The following AFG2A variants were observed in gnomAD, a reference collection of about 807,000 sequenced individuals.
AFG2A encodes the protein AAA ATPase AFG2A, also known as ATPase family gene 2 protein homolog A.
At chr4:122,931,309 CT>C in the AFG2A span, among the ~76,000 whole-genome samples, 2 of 152,162 alleles carry the variant, frequency 1.3e-5, no homozygotes, top group African/African-American at 4.8e-5. Context: ...AAATTTCCCC[CT>C]CATTGTATTT....
the AFG2A span, among the ~76,000 whole-genome samples, chr4:123,107,474 G>A: frequency 6.6e-6 from 1 of 152,214 alleles, no homozygotes; most frequent in Non-Finnish European, 1.5e-5. Context: ...GGGACAGAGT[G>A]CATGCTGATT....
the AFG2A span, among the ~76,000 whole-genome samples, chr4:123,004,345 A>T: frequency 1.3e-3 from 201 of 152,156 alleles, no homozygotes; most frequent in Non-Finnish European, 1.5e-3. Context: ...GGCACTCCCT[A>T]GTGAGATGAA....
the AFG2A span, among the ~76,000 whole-genome samples, chr4:123,201,327 A>G: frequency 2.0e-5 from 3 of 152,228 alleles, no homozygotes; most frequent in African/African-American, 7.2e-5. Flanking sequence ...GATGTTTAAC[A>G]ACAATCTACG....
the AFG2A span, among the ~76,000 whole-genome samples, chr4:123,165,787 A>C: frequency 6.6e-6 from 1 of 152,160 alleles, no homozygotes; most frequent in Non-Finnish European, 1.5e-5. Flanking sequence ...TTGACTATAA[A>C]GTGAATTTTT....
the AFG2A span, among the ~76,000 whole-genome samples, chr4:123,033,372 G>A: frequency 0.012 from 1,830 of 152,046 alleles, 40 homozygotes; most frequent in African/African-American, 0.041. Context: ...AATAGAACTA[G>A]TGTCCAATGG....
the AFG2A span, among the ~76,000 whole-genome samples, chr4:123,007,645 ACACACACAC>A: frequency 3.1e-5 from 1 of 32,304 alleles, no homozygotes; most frequent in Non-Finnish European, 8.1e-5. Flanking sequence ...CACACACAAC[ACACACACAC>A]ACACACACAC....
At chr4:123,165,960 A>G in the AFG2A span, among the ~76,000 whole-genome samples, 1 of 152,212 alleles carries the variant, frequency 6.6e-6, no homozygotes, top group African/African-American at 2.4e-5. Context: ...CCATTCACAT[A>G]GCATAAGAAT....
the AFG2A span, among the ~76,000 whole-genome samples, chr4:122,974,108 G>A: frequency 1.3e-4 from 20 of 151,944 alleles, no homozygotes; most frequent in African/African-American, 4.8e-4. Context: ...TCTGTAGTTT[G>A]TATTAGAAAT....
At chr4:123,010,314 C>T in the AFG2A span, among the ~76,000 whole-genome samples, 3 of 152,140 alleles carry the variant, frequency 2.0e-5, no homozygotes, top group African/African-American at 4.8e-5. Flanking sequence ...ACTTAGAGGA[C>T]CCTCAAGGCC....
At chr4:123,116,623 C>G in the AFG2A span, among the ~76,000 whole-genome samples, 1 of 152,144 alleles carries the variant, frequency 6.6e-6, no homozygotes, top group Non-Finnish European at 1.5e-5. Context: ...GGAGTTTTTC[C>G]AAATAGCTAC....
the AFG2A span, among the ~76,000 whole-genome samples, chr4:123,036,838 C>T: frequency 1.3e-5 from 2 of 152,062 alleles, no homozygotes; most frequent in Non-Finnish European, 2.9e-5. Flanking sequence ...AGGGTTTTTA[C>T]TTGCCCACAG....
chr4:123,271,715 T>C, the AFG2A span, among the ~76,000 whole-genome samples: 1 of 152,204 alleles, frequency 6.6e-6, no homozygotes, highest in Non-Finnish European at 1.5e-5. Flanking sequence ...GAAAATTACC[T>C]GGGTGCTTGA....
the AFG2A span, among the ~76,000 whole-genome samples, chr4:123,103,502 T>G: frequency 1.3e-5 from 2 of 152,150 alleles, no homozygotes; most frequent in Admixed American, 6.5e-5. Context: ...CGGTGTGTGT[T>G]TGTTCTTTCT....
At chr4:123,049,076 A>T in the AFG2A span, among the ~76,000 whole-genome samples, 1 of 151,950 alleles carries the variant, frequency 6.6e-6, no homozygotes, top group Non-Finnish European at 1.5e-5. Flanking sequence ...TCATGAAGGG[A>T]TGTTGAATTT....
the AFG2A span, among the ~76,000 whole-genome samples, chr4:123,005,326 T>G: frequency 6.6e-6 from 1 of 152,058 alleles, no homozygotes; most frequent in Non-Finnish European, 1.5e-5. Flanking sequence ...AATTTTTGTA[T>G]TTTTAGTAGG....
At chr4:122,964,501 CAA>C in the AFG2A span, among the ~76,000 whole-genome samples, 2,048 of 125,998 alleles carry the variant, frequency 0.016, 14 homozygotes, top group Middle Eastern at 0.092. Flanking sequence ...AAGACTGTCT[CAA>C]AAAAAAAAAA....
At chr4:123,196,182 T>TG in the AFG2A span, among the ~76,000 whole-genome samples, 115 of 143,656 alleles carry the variant, frequency 8.0e-4, no homozygotes, top group African/African-American at 2.8e-3. Context: ...TTTTTTTTTT[T>TG]TTTTTTTTAG....
At chr4:123,078,785 G>T in the AFG2A span, among the ~76,000 whole-genome samples, 2 of 151,978 alleles carry the variant, frequency 1.3e-5, no homozygotes, top group Non-Finnish European at 2.9e-5. Flanking sequence ...ACACTAAATG[G>T]TTACCCATGG....
At chr4:123,120,117 T>A in the AFG2A span, among the ~76,000 whole-genome samples, 19 of 152,258 alleles carry the variant, frequency 1.2e-4, no homozygotes, top group African/African-American at 4.1e-4. Flanking sequence ...CCAAACAGAA[T>A]TTATCATCAA....
Sources: gnomAD v4.1 joint callset for allele counts (sites outside exome capture counted in the v4.1 genomes callset) on GRCh38, gnomAD v4.1.1 for gene constraint, MANE v1.5 for transcripts, NCBI Gene and HGNC (gene_info 2026-07-23, HGNC 2026-07-21) for gene names.